Variants in PALS2 observed in about 807,000 individuals in gnomAD.
PALS2 encodes the protein protein PALS2.
PALS2 carries 27 observed loss-of-function variants against 61.6 expected under a neutral mutation model. The observed-to-expected ratio is 0.44, with a 90% confidence interval of 0.32 to 0.60. The LOEUF is 0.60. Among genes scored for constraint, PALS2 ranks in the 20% least tolerant of loss-of-function variants. The pLI is 0.05. For missense variants in PALS2, 554 were observed against 639.4 expected (o/e 0.87, Z 1.44); for synonymous variants, 236 against 218.6 (o/e 1.08, Z -0.70).
At chr7:24,649,347 C>A (rs1015268303) in intron 3 of PALS2, among the ~76,000 whole-genome samples, 3 of 152,042 alleles carry the variant, frequency 2.0e-5, no homozygotes, top group Non-Finnish European at 4.4e-5. Context: ...TTCCAGTGAA[C>A]TTGCCAGTTT....
At chr7:24,654,968 G>A (rs1422490617) in intron 5 of PALS2, among the ~76,000 whole-genome samples, 2 of 152,162 alleles carry the variant, frequency 1.3e-5, no homozygotes, top group Non-Finnish European at 2.9e-5. Context: ...TTATTCTAGG[G>A]ATACTGTTTG....
chr7:24,644,592 A>G lies in PALS2; in HGVS notation c.270+2724A>G, dbSNP rs578260687. 2.6e-5 allele frequency among the ~76,000 whole-genome samples: 4 copies of G among 152,188 alleles called. No individual in the cohort carries two copies. The South Asian group carries it at 8.3e-4, about 32-fold the overall frequency. On this transcript the variant is annotated intron_variant, in intron 3 of 11. Transcript: ENST00000222644. ...GATTTGTGTCTTTGCTGTTGTGAATAGTGCTGCAATGAACATTTGCATGCA... is the reference window on the plus strand; with the variant it reads ...GATTTGTGTCTTTGCTGTTGTGAATGGTGCTGCAATGAACATTTGCATGCA...
chr7:24,668,876 G>T (rs568215480), intron 9 of PALS2, among the ~76,000 whole-genome samples: 1 of 152,342 alleles, frequency 6.6e-6, no homozygotes, highest in East Asian at 1.9e-4. Flanking sequence ...CTGGTGGCAA[G>T]TGCTTCTCTA....
chr7:24,655,630 A>ATTTTTTTT (rs770410952), intron 5 of PALS2, among the ~76,000 whole-genome samples: 6 of 96,924 alleles, frequency 6.2e-5, no homozygotes, highest in African/African-American at 8.1e-5. Context: ...TAGTTAGTAG[A>ATTTTTTTT]TTTTTTTTTT....
rs897732766 is a variant in PALS2 at position 24,623,763 on chromosome 7, T to A, written c.96T>A (p.Pro32=). 2.3e-5 allele frequency: 37 copies of A among 1,580,118 alleles called. No homozygotes were observed. The highest frequency in any genetic ancestry group is 3.2e-5 in the Non-Finnish European group (37 of 1,155,886). The change falls in exon 2 of 12, where the codon CCT becomes CCA. Residue 32 remains proline, a synonymous_variant. Transcript: ENST00000222644. ...LIFLKGIMEN[P]IVKSLAKAHE... is the part of the protein sequence containing the mutation. The stretch of plus-strand genomic sequence containing the variant: ...TCCTCAAGGGAATTATGGAGAATCC[T>A]ATTGTAAAATCACTTGCTAAGGTAT...
intron 6 of PALS2, 148 bp downstream of exon 6, chr7:24,663,869 G>A: frequency 1.9e-6 from 2 of 1,027,494 alleles, no homozygotes; most frequent in Non-Finnish European, 2.8e-6. Flanking sequence ...TACTAATTTT[G>A]TGGACATAAG....
intron 1 of PALS2, among the ~76,000 whole-genome samples, chr7:24,600,922 A>AT (rs1469172547): frequency 6.6e-6 from 1 of 152,124 alleles, no homozygotes; most frequent in African/African-American, 2.4e-5. Flanking sequence ...CACATGATAG[A>AT]TATACTTTTT....
In PALS2 at chr7:24,690,845, T is replaced by TA. The variant is rs1378734403; in HGVS notation, c.*3232dup. On this transcript the variant is annotated 3_prime_UTR_variant, in exon 12 of 12. Transcript: ENST00000222644. ...GAGAAACCCAGTATGCCTACAGCATTAGTAGCCTAAATCCTAGATTCTAGA... is the reference window on the plus strand; with the variant it reads ...GAGAAACCCAGTATGCCTACAGCATTAAGTAGCCTAAATCCTAGATTCTAGA... 1 of 152,202 alleles carries TA rather than the reference T, an allele frequency of 6.6e-6. No homozygotes were observed. The highest frequency in any genetic ancestry group is 2.1e-4 in the South Asian group (1 of 4,828). The allele number at this position is 152,202 out of a possible 1,614,324, so 9.4% of individuals were successfully genotyped here. A position where few individuals can be genotyped will look rare whatever the true frequency, so the allele number is the denominator to read the frequency against.
intron 11 of PALS2, 118 bp downstream of exon 11, chr7:24,680,638 C>T: frequency 7.7e-7 from 1 of 1,297,820 alleles, no homozygotes; most frequent in Non-Finnish European, 1.0e-6. Flanking sequence ...CTTTGTCACC[C>T]AGGCTGGAGT....
chr7:24,652,339 T>C (rs994583631), intron 5 of PALS2, among the ~76,000 whole-genome samples: 1 of 152,200 alleles, frequency 6.6e-6, no homozygotes, highest in African/African-American at 2.4e-5. Context: ...AATTCCTACA[T>C]AGATTTTGCA....
At chr7:24,663,253 A>G (rs990398290) in intron 5 of PALS2, among the ~76,000 whole-genome samples, 12 of 152,232 alleles carry the variant, frequency 7.9e-5, no homozygotes, top group African/African-American at 2.7e-4. Context: ...TAATTGGATC[A>G]TAGCATTTAC....
At chr7:24,661,331 GA>G (rs577738040) in intron 5 of PALS2, among the ~76,000 whole-genome samples, 2,085 of 142,284 alleles carry the variant, frequency 0.015, 13 homozygotes, top group Middle Eastern at 0.026. Flanking sequence ...TTTAATTAAT[GA>G]AAAAAAAAAA....
rs1317567240 is a variant in PALS2, at chr7:24,607,588, C to CAT, written c.-2-16073_-2-16072dup. Among the ~76,000 whole-genome samples the CAT allele has an allele frequency of 7.5e-4, 61 of 81,288 alleles. 1 individual carries two copies. Among genetic ancestry groups the CAT allele is most frequent in the Middle Eastern group, 5.2e-3 (1 of 192 alleles). 53.3% of individuals were successfully genotyped at this position (81,288 alleles called of 152,430 possible). On this transcript the variant is annotated intron_variant, in intron 1 of 11. Transcript: ENST00000222644. ...ATATACATATATGTGTGTATATATA[C>CAT]ATATATGTGTGTGTATATATACATA...
intron 1 of PALS2, among the ~76,000 whole-genome samples, chr7:24,613,217 C>T (rs1281945626): frequency 6.6e-6 from 1 of 151,628 alleles, no homozygotes; most frequent in Non-Finnish European, 1.5e-5. Flanking sequence ...TCTTAAATCT[C>T]TCCAGATCTC....
At chr7:24,647,864 G>A (rs748842316) in intron 3 of PALS2, among the ~76,000 whole-genome samples, 5 of 152,014 alleles carry the variant, frequency 3.3e-5, no homozygotes, top group Non-Finnish European at 5.9e-5. Context: ...TGACTTTGAC[G>A]AGTTGTGGGC....
chr7:24,653,362 G>A (rs1451294120), intron 5 of PALS2, among the ~76,000 whole-genome samples: 2 of 147,546 alleles, frequency 1.4e-5, no homozygotes, highest in Non-Finnish European at 3.0e-5. Flanking sequence ...TAGTAAATTA[G>A]GAACAGAAGG....
intron 1 of PALS2, among the ~76,000 whole-genome samples, chr7:24,607,443 T>G (rs1161397308): frequency 2.0e-5 from 3 of 151,778 alleles, no homozygotes; most frequent in Non-Finnish European, 1.5e-5. Flanking sequence ...TCTTAGTGTT[T>G]ACTTGCTAAT....
At chr7:24,603,979 G>A (rs1435863011) in intron 1 of PALS2, among the ~76,000 whole-genome samples, 1 of 152,088 alleles carries the variant, frequency 6.6e-6, no homozygotes, top group African/African-American at 2.4e-5. Context: ...CAATAAAACG[G>A]ACTCTGACTG....
chr7:24,685,918 AT>A lies in PALS2; in HGVS notation c.1447-1517del, dbSNP rs1200753692. Reference sequence around the variant, plus strand: ...CATTCATGCCATTGTTATGCTAATGATTTATATACAGCTAGCCCAGACCTCA... The same window carrying A: ...CATTCATGCCATTGTTATGCTAATGATTATATACAGCTAGCCCAGACCTCA... On this transcript the variant is annotated intron_variant, in intron 11 of 11. Coordinates refer to ENST00000222644, the MANE Select transcript of PALS2 (RefSeq NM_001303037.2). 5.3e-5 allele frequency among the ~76,000 whole-genome samples: 8 copies of A among 152,138 alleles called. No homozygotes were observed. The East Asian group carries it at 1.5e-3, about 29-fold the overall frequency.
Sources: allele counts gnomAD v4.1 joint callset (sites outside exome capture counted in the v4.1 genomes callset), GRCh38; gene constraint gnomAD v4.1.1; transcripts MANE v1.5; gene names NCBI Gene and HGNC (gene_info 2026-07-23, HGNC 2026-07-21).